Variants in GARIN2 observed in about 807,000 individuals in gnomAD.
GARIN2 encodes the protein golgi associated RAB2 interactor family member 2.
At chr14:67,199,144 T>C in the GARIN2 span, 7 of 1,523,366 alleles carry the variant, frequency 4.6e-6, no homozygotes, top group Admixed American at 3.3e-5. Flanking sequence ...AGTGAACCGC[T>C]ACTGTGGGAA....
chr14:67,190,870 A>G, the GARIN2 span, among the ~76,000 whole-genome samples: 1 of 152,236 alleles, frequency 6.6e-6, no homozygotes, highest in East Asian at 1.9e-4. Flanking sequence ...TGCTGGGAAT[A>G]ATTAACCTCA....
chr14:67,199,192 T>C, the GARIN2 span: 1 of 1,606,322 alleles, frequency 6.2e-7, no homozygotes, highest in East Asian at 2.2e-5. Context: ...AACACCCACA[T>C]GCCAAAGGAT....
the GARIN2 span, among the ~76,000 whole-genome samples, chr14:67,213,471 A>G: frequency 6.7e-6 from 1 of 150,206 alleles, no homozygotes; most frequent in Non-Finnish European, 1.5e-5. Flanking sequence ...AATTTCATCC[A>G]TGTCCCTACA....
At chr14:67,206,587 TATA>T in the GARIN2 span, among the ~76,000 whole-genome samples, 7 of 152,286 alleles carry the variant, frequency 4.6e-5, no homozygotes, top group East Asian at 1.2e-3. Context: ...AGAAAATGCT[TATA>T]ATAAAATGTT....
At chr14:67,198,153 G>T in the GARIN2 span, 1 of 1,608,436 alleles carries the variant, frequency 6.2e-7, no homozygotes, top group Admixed American at 1.7e-5. Context: ...ATGTTTATGT[G>T]CAAGCGCAAT....
chr14:67,218,323 G>A, the GARIN2 span, among the ~76,000 whole-genome samples: 2 of 152,198 alleles, frequency 1.3e-5, no homozygotes, highest in African/African-American at 4.8e-5. Context: ...GGATGTGGGT[G>A]CACAGCTGCT....
At chr14:67,211,151 C>T in the GARIN2 span, among the ~76,000 whole-genome samples, 10 of 152,192 alleles carry the variant, frequency 6.6e-5, no homozygotes, top group Admixed American at 2.0e-4. Flanking sequence ...TACTATCTAC[C>T]ATGTAGAATT....
At chr14:67,209,819 G>GAA in the GARIN2 span, among the ~76,000 whole-genome samples, 9 of 76,924 alleles carry the variant, frequency 1.2e-4, no homozygotes, top group South Asian at 4.5e-4. Context: ...CTCCATCTCG[G>GAA]AAAAAAAAAA....
the GARIN2 span, chr14:67,228,444 A>C: frequency 3.5e-6 from 1 of 282,342 alleles, no homozygotes; most frequent in African/African-American, 2.3e-5. Flanking sequence ...GATACAAACT[A>C]CTAAACTAAA....
At chr14:67,198,926 A>C in the GARIN2 span, 1 of 699,220 alleles carries the variant, frequency 1.4e-6, no homozygotes, top group Non-Finnish European at 2.6e-6. Flanking sequence ...AACAAAGTCT[A>C]ACACTAAACA....
chr14:67,223,375 C>T, the GARIN2 span, among the ~76,000 whole-genome samples: 1 of 152,198 alleles, frequency 6.6e-6, no homozygotes, highest in African/African-American at 2.4e-5. Flanking sequence ...CCAATCTATA[C>T]TACTGAACCT....
At chr14:67,219,698 C>G in the GARIN2 span, among the ~76,000 whole-genome samples, 2,785 of 152,180 alleles carry the variant, frequency 0.018, 93 homozygotes, top group African/African-American at 0.062. Flanking sequence ...TAGCAAAAAT[C>G]ATAGAATTTT....
At chr14:67,193,552 T>G in the GARIN2 span, among the ~76,000 whole-genome samples, 1 of 144,482 alleles carries the variant, frequency 6.9e-6, no homozygotes, top group African/African-American at 2.5e-5. Context: ...TATATCTATA[T>G]ATAGATCTAT....
chr14:67,191,474 C>G, the GARIN2 span, among the ~76,000 whole-genome samples: 3 of 152,328 alleles, frequency 2.0e-5, no homozygotes, highest in East Asian at 3.9e-4. Context: ...CCAACCAAGA[C>G]AGTGCAACAC....
At chr14:67,204,418 G>C in the GARIN2 span, 1 of 1,353,798 alleles carries the variant, frequency 7.4e-7, no homozygotes, top group Middle Eastern at 2.7e-4. Flanking sequence ...CTCCAACGTG[G>C]GCAACAGAGT....
the GARIN2 span, chr14:67,199,701 C>T: frequency 3.2e-6 from 5 of 1,582,332 alleles, no homozygotes; most frequent in Admixed American, 8.4e-5. Flanking sequence ...TTTGCAGATG[C>T]ACCTCCTTCA....
the GARIN2 span, among the ~76,000 whole-genome samples, chr14:67,212,592 A>T: frequency 2.5e-5 from 3 of 118,170 alleles, no homozygotes; most frequent in East Asian, 5.9e-4. Flanking sequence ...CCCTGTTGAA[A>T]AAAAAAATAT....
At chr14:67,218,738 G>T in the GARIN2 span, among the ~76,000 whole-genome samples, 1 of 151,942 alleles carries the variant, frequency 6.6e-6, no homozygotes, top group Non-Finnish European at 1.5e-5. Flanking sequence ...TAGCCATTCT[G>T]CTTGCCCAAG....
chr14:67,198,583 T>C, the GARIN2 span, among the ~76,000 whole-genome samples: 1 of 152,210 alleles, frequency 6.6e-6, no homozygotes, highest in Non-Finnish European at 1.5e-5. Context: ...CTTCCCAAAA[T>C]TACATGAAGC....
Sources: allele counts gnomAD v4.1 joint callset (sites outside exome capture counted in the v4.1 genomes callset), GRCh38; gene constraint gnomAD v4.1.1; transcripts MANE v1.5; gene names NCBI Gene and HGNC (gene_info 2026-07-23, HGNC 2026-07-21).